The following LSAMP variants were observed in gnomAD, a reference collection of about 807,000 sequenced individuals.
The protein encoded by LSAMP is limbic system-associated membrane protein.
Under a neutral mutation model 38.6 loss-of-function variants are expected in LSAMP, and 7 were observed. The observed-to-expected ratio is 0.18, with a 90% CI of 0.10 to 0.34. The LOEUF (loss-of-function observed/expected upper bound fraction) is 0.34. LSAMP is among the 10% of genes least tolerant of loss of function. The probability of loss-of-function intolerance (pLI) is 1.00; values close to 1 mark genes in which losing one functional copy is unlikely to be tolerated. For missense variants in LSAMP, 313 were observed against 420.0 expected, an observed-to-expected ratio of 0.75 and a Z score of 2.23; for synonymous variants, 154 against 166.8, an observed-to-expected ratio of 0.92 and a Z score of 0.59.
chr3:116,270,891 G>A (rs2046962931), intron 1 of LSAMP, among the ~76,000 whole-genome samples: 1 of 152,138 alleles, frequency 6.6e-6, no homozygotes, highest in Admixed American at 6.6e-5. Context: ...TTCAGGCTGT[G>A]TTAGTCACTA....
chr3:116,265,958 T>G (rs200697892), intron 1 of LSAMP, among the ~76,000 whole-genome samples: 960 of 39,340 alleles, frequency 0.024, 10 homozygotes, highest in African/African-American at 0.031. Flanking sequence ...AGTTGTGGGG[T>G]TTTTTTTTCC....
intron 3 of LSAMP, among the ~76,000 whole-genome samples, chr3:115,998,551 C>T (rs1188879867): frequency 1.3e-5 from 2 of 152,002 alleles, no homozygotes; most frequent in East Asian, 3.9e-4. Context: ...TTGCATTGTC[C>T]TTGACCCAGA....
At chr3:115,975,697 T>C (rs181447004) in intron 3 of LSAMP, among the ~76,000 whole-genome samples, 61 of 152,300 alleles carry the variant, frequency 4.0e-4, no homozygotes, top group African/African-American at 1.3e-3. Context: ...CGCCAAAGCA[T>C]TGACTGTTTT....
At chr3:115,845,916 C>T (rs1045359968) in intron 4 of LSAMP, among the ~76,000 whole-genome samples, 1 of 152,200 alleles carries the variant, frequency 6.6e-6, no homozygotes, top group Non-Finnish European at 1.5e-5. Flanking sequence ...ACTTGCTTCT[C>T]TCTTTGAAAA....
At chr3:116,357,980 G>C (rs2107774487) in intron 1 of LSAMP, among the ~76,000 whole-genome samples, 1 of 151,678 alleles carries the variant, frequency 6.6e-6, no homozygotes, top group Non-Finnish European at 1.5e-5. Flanking sequence ...GAAACTTTAG[G>C]AAACTTGGAG....
intron 1 of LSAMP, among the ~76,000 whole-genome samples, chr3:116,247,671 A>T (rs777053593): frequency 6.6e-6 from 1 of 152,214 alleles, no homozygotes; most frequent in South Asian, 2.1e-4. Flanking sequence ...GATGAAAACC[A>T]GGGAGAAATA....
In LSAMP at chr3:116,072,089, C is replaced by A. The variant is rs1011749172; in HGVS notation, c.388+14235G>T. On this transcript the variant is annotated intron_variant, in intron 2 of 6. Coordinates refer to ENST00000490035, the MANE Select transcript of LSAMP (RefSeq NM_002338.5). ...CTCCCGGGTTCATGCCATTCTCCTT[C>A]CTCAGCCTCCTGAGTAGCTGGGACT... Among the ~76,000 whole-genome samples, 4 of 150,252 alleles carry A rather than the reference C, an allele frequency of 2.7e-5. No homozygotes were observed. In the South Asian group the frequency reaches 6.4e-4, roughly 24 times the overall value.
chr3:116,209,142 G>T lies in LSAMP; in HGVS notation c.156-122586C>A, dbSNP rs184283067. ...AGCCGGTCCGAAAAGCGCAGTATTC[G>T]GGTGGGAGTGACCCGATTTTCCAGG... On this transcript the variant is annotated intron_variant, in intron 1 of 6. Transcript: ENST00000490035. Among the ~76,000 whole-genome samples, 88 of 152,296 alleles carry T rather than the reference G, an allele frequency of 5.8e-4. 1 individual carries two copies. In the East Asian group the frequency reaches 0.013, roughly 23 times the overall value.
chr3:116,061,078 T>A (rs1251610915), intron 2 of LSAMP, among the ~76,000 whole-genome samples: 1 of 152,146 alleles, frequency 6.6e-6, no homozygotes, highest in Non-Finnish European at 1.5e-5. Context: ...AGGAGACCGC[T>A]GGGACATCTA....
intron 1 of LSAMP, among the ~76,000 whole-genome samples, chr3:116,270,218 TTTTAG>T (rs2046953546): frequency 6.6e-6 from 1 of 152,130 alleles, no homozygotes; most frequent in African/African-American, 2.4e-5. Flanking sequence ...CCGCAGACCC[TTTTAG>T]TCACAGGAAA....
At chr3:116,126,137 TGAAAA>T (rs1169369698) in intron 1 of LSAMP, among the ~76,000 whole-genome samples, 4 of 152,310 alleles carry the variant, frequency 2.6e-5, no homozygotes, top group Middle Eastern at 3.4e-3. Flanking sequence ...TTTGTCTACA[TGAAAA>T]GAAAAATCAT....
chr3:116,328,937 A>G (rs1416640463), intron 1 of LSAMP, among the ~76,000 whole-genome samples: 1 of 152,154 alleles, frequency 6.6e-6, no homozygotes, highest in Non-Finnish European at 1.5e-5. Context: ...ATAAAAGCAA[A>G]TGAGTTTGCA....
intron 1 of LSAMP, among the ~76,000 whole-genome samples, chr3:116,358,312 G>A (rs1056879457): frequency 1.3e-5 from 2 of 152,150 alleles, no homozygotes; most frequent in African/African-American, 4.8e-5. Flanking sequence ...CTCAATGGAG[G>A]TGTTTGCTGG....
chr3:115,831,123 AC>A (rs1372483155), intron 6 of LSAMP, among the ~76,000 whole-genome samples: 1 of 152,150 alleles, frequency 6.6e-6, no homozygotes, highest in Non-Finnish European at 1.5e-5. Flanking sequence ...CAATGGAAAA[AC>A]AGGGATGGAA....
At chr3:116,264,327 T>C (rs1206773130) in intron 1 of LSAMP, among the ~76,000 whole-genome samples, 2 of 152,166 alleles carry the variant, frequency 1.3e-5, no homozygotes, top group African/African-American at 4.8e-5. Context: ...GTTGGAGGGT[T>C]ATCTGGAATT....
chr3:116,213,457 T>C (rs2046186001), intron 1 of LSAMP, among the ~76,000 whole-genome samples: 1 of 152,234 alleles, frequency 6.6e-6, no homozygotes, highest in African/African-American at 2.4e-5. Flanking sequence ...TCTCCAGCCA[T>C]GTGGAATTGT....
chr3:116,163,742 T>A (rs531436073), intron 1 of LSAMP, among the ~76,000 whole-genome samples: 2 of 151,944 alleles, frequency 1.3e-5, no homozygotes, highest in South Asian at 4.2e-4. Flanking sequence ...AAAAAAAGAT[T>A]AAAAAAAATA....
rs578201011 is a variant in LSAMP, at chr3:116,234,095, A to G, written c.156-147539T>C. On this transcript the variant is annotated intron_variant, in intron 1 of 6. Transcript: ENST00000490035. ...TTCAGAAACAAATACAGTGATATCA[A>G]GGATCACGGAGTGGGCTGCACAGGA... is the stretch of plus-strand genomic sequence containing the variant. Among the ~76,000 whole-genome samples, 3 of 152,352 alleles carry G rather than the reference A, an allele frequency of 2.0e-5. No homozygotes were observed. The South Asian group carries it at 6.2e-4, about 32-fold the overall frequency.
intron 1 of LSAMP, among the ~76,000 whole-genome samples, chr3:116,310,266 T>G (rs1241931381): frequency 6.6e-6 from 1 of 152,144 alleles, no homozygotes; most frequent in Non-Finnish European, 1.5e-5. Flanking sequence ...TTGCTCATAT[T>G]ATAATCAAGG....
Sources: allele counts gnomAD v4.1 joint callset (sites outside exome capture counted in the v4.1 genomes callset), GRCh38; gene constraint gnomAD v4.1.1; transcripts MANE v1.5; gene names NCBI Gene and HGNC (gene_info 2026-07-23, HGNC 2026-07-21).